Variants in CELSR2 observed in about 807,000 individuals in gnomAD.
The protein encoded by CELSR2 is EGF-like protein 2.
CELSR2 carries 81 observed loss-of-function variants against 251.6 expected under a neutral mutation model. The observed-to-expected ratio is 0.32, with a 90% confidence interval of 0.27 to 0.39. The LOEUF (loss-of-function observed/expected upper bound fraction) is 0.39, where lower values mean the gene tolerates loss of function less well. Ranked by LOEUF, CELSR2 falls within the 10% of genes least tolerant of loss-of-function variation. CELSR2 has a pLI of 1.00. For synonymous variants in CELSR2, 1,721 were observed against 1,670.5 expected (o/e 1.03, Z -0.74); for missense variants, 3,365 against 3,947.7 (o/e 0.85, Z 3.96).
In CELSR2 at chr1:109,250,239, A is replaced by G. The variant is rs767192744; in HGVS notation, c.160A>G (p.Met54Val). ...AGGCTCTTCGGGGGCCTGCGCCCCCATGGGCTGGCTCTGTCCATCCTCAGC... is the reference window on the plus strand; with the variant it reads ...AGGCTCTTCGGGGGCCTGCGCCCCCGTGGGCTGGCTCTGTCCATCCTCAGC... ...GRGSSGACAP[M>V]GWLCPSSASN... is the part of the protein sequence containing the mutation. Residue 54 changes from methionine to valine, a missense_variant, in exon 1 of 34, where the codon ATG (methionine) becomes GTG (valine). This residue lies in a region of CELSR2 where 704 missense variants were observed against 784.1 expected (regional missense o/e 0.90). Coordinates refer to ENST00000271332, the MANE Select transcript of CELSR2 (RefSeq NM_001408.3). This position sits in a 1 kb window ranked among gnomAD's most constrained non-coding sequence, Gnocchi z 4.4. 21 of 1,608,390 alleles carry G rather than the reference A, an allele frequency of 1.3e-5. No individual in the cohort carries two copies. The African/African-American group carries it at 2.5e-4, about 19-fold the overall frequency.
Position 109,251,778 on chromosome 1 carries a change from G to GA in CELSR2, c.1701dup (p.Leu568ThrfsTer7). On this transcript the variant is annotated frameshift_variant, in exon 1 of 34. Transcript: ENST00000271332. LOFTEE classifies it high-confidence loss of function. The surrounding 1 kb of genome is among the most constrained non-coding windows in gnomAD (Gnocchi z 4.9). Reference sequence around the variant, plus strand: ...CACAGGCTGGATCTCTGTGGCTGCTGAACTGGACCGGGAGGAAGTTGATTT... The same window carrying GA: ...CACAGGCTGGATCTCTGTGGCTGCTGAAACTGGACCGGGAGGAAGTTGATTT... 1 of 1,614,092 alleles carries GA rather than the reference G, an allele frequency of 6.2e-7. No individual in the cohort carries two copies. Among genetic ancestry groups the GA allele is most frequent in the African/African-American group, 1.3e-5 (1 of 75,028 alleles).
Position 109,251,834 on chromosome 1 carries a change from T to A in CELSR2, c.1755T>A (p.His585Gln). ...GCTTTGGGGTAGAAGCTCGAGACCA[T>A]GGCACTCCAGCACTCACTGCCTCGG... ...FYSFGVEARD[H>Q]GTPALTASAS... is the part of the protein sequence containing the mutation. The change falls in exon 1 of 34, where the codon CAT becomes CAA. Residue 585 changes from histidine (H) to glutamine (Q), a missense_variant. Physicochemically the swap from His to Gln is conservative, Grantham distance 24. This residue lies in a region of CELSR2 where 704 missense variants were observed against 784.1 expected (regional missense o/e 0.90). Coordinates refer to ENST00000271332, the MANE Select transcript of CELSR2 (RefSeq NM_001408.3). This position sits in a 1 kb window ranked among gnomAD's most constrained non-coding sequence, Gnocchi z 4.9. 6.2e-7 allele frequency: 1 copy of A among 1,614,058 alleles called. No homozygotes were observed. The highest frequency in any genetic ancestry group is 8.5e-7 in the Non-Finnish European group (1 of 1,180,020).
chr1:109,264,018 A>T, intron 9 of CELSR2, 60 bp from the exon 10 acceptor site: 1 of 1,515,224 alleles, frequency 6.6e-7, no homozygotes, highest in South Asian at 1.3e-5. Context: ...GGGAACTGTG[A>T]GCTGGAGAAC....
In CELSR2 at chr1:109,251,905, C is replaced by T; in HGVS notation, c.1826C>T (p.Thr609Ile). ...CTGGATGTCAACGACAACAATCCAA[C>T]CTTTACCCAACCAGAGTACACAGTG... is the stretch of plus-strand genomic sequence containing the variant. ...TVLDVNDNNP[T>I]FTQPEYTVRL... The change falls in exon 1 of 34, where the codon ACC (threonine) becomes ATC (isoleucine). Residue 609 changes from threonine (T) to isoleucine (I), a missense_variant. Physicochemically the swap from Thr to Ile is moderately conservative, Grantham distance 89. Around this residue, in one of 5 missense-constraint regions of CELSR2, gnomAD observed 60 missense variants for 104.8 expected, o/e 0.57. Transcript: ENST00000271332. This position sits in a 1 kb window ranked among gnomAD's most constrained non-coding sequence, Gnocchi z 4.9. The T allele has an allele frequency of 6.2e-7, 1 of 1,614,154 alleles. No individual in the cohort carries two copies. The highest frequency in any genetic ancestry group is 1.3e-5 in the African/African-American group (1 of 75,046).
Position 109,265,786 on chromosome 1 carries a change from T to C in CELSR2, c.5779T>C (p.Tyr1927His). 6.2e-7 allele frequency: 1 copy of C among 1,614,050 alleles called. No individual in the cohort carries two copies. The highest frequency in any genetic ancestry group is 8.5e-7 in the Non-Finnish European group (1 of 1,179,946). The change falls in exon 14 of 34, where the codon TAC becomes CAC. Residue 1927 changes from tyrosine (Y) to histidine (H), a missense_variant. Transcript: ENST00000271332. Reference sequence around the variant, plus strand: ...CCCCACCTGCCTCTTGTGTGACTGCTACCCCACAGGCTCCTTGTCCAGAGT... The same window carrying C: ...CCCCACCTGCCTCTTGTGTGACTGCCACCCCACAGGCTCCTTGTCCAGAGT... The part of the protein sequence containing the change: ...GSPTCLLCDC[Y>H]PTGSLSRVCD...
chr1:109,266,318 G>A (rs1570788542), intron 15 of CELSR2, 112 bp downstream of exon 15: 2 of 1,279,458 alleles, frequency 1.6e-6, no homozygotes, highest in Non-Finnish European at 2.1e-6. Context: ...CTGGCCTCCA[G>A]GTCCTGGGAT....
intron 15 of CELSR2, 112 bp downstream of exon 15, chr1:109,266,318 G>C: frequency 1.6e-6 from 2 of 1,279,458 alleles, no homozygotes; most frequent in Non-Finnish European, 2.1e-6. Flanking sequence ...CTGGCCTCCA[G>C]GTCCTGGGAT....
chr1:109,270,278 C>A, intron 23 of CELSR2, 145 bp downstream of exon 23: 2 of 1,234,588 alleles, frequency 1.6e-6, no homozygotes, highest in Non-Finnish European at 2.3e-6. Flanking sequence ...TTCTGTGGCT[C>A]CCCCGGGATC....
At chr1:109,260,245 A>T (rs1655981727) in intron 2 of CELSR2, among the ~76,000 whole-genome samples, 1 of 151,936 alleles carries the variant, frequency 6.6e-6, no homozygotes, top group South Asian at 2.1e-4. Flanking sequence ...GTCACTAGGC[A>T]CAGGAGCTGA....
In CELSR2 at chr1:109,249,576, C is replaced by T. The variant is rs1655612359; in HGVS notation, c.-504C>T. 6.7e-6 allele frequency among the ~76,000 whole-genome samples: 1 copy of T among 149,574 alleles called. No homozygotes were observed. Among genetic ancestry groups the T allele is most frequent in the South Asian group, 2.1e-4 (1 of 4,828 alleles). Reference sequence around the variant, plus strand: ...CGCCCGCCGGGGAGGCGAGGGAGCGCGGGGCTGGGCCCGGGGCCGCGGCGA... The same window carrying T: ...CGCCCGCCGGGGAGGCGAGGGAGCGTGGGGCTGGGCCCGGGGCCGCGGCGA... On this transcript the variant is annotated 5_prime_UTR_variant, in exon 1 of 34. Coordinates refer to ENST00000271332, the MANE Select transcript of CELSR2 (RefSeq NM_001408.3).
At chr1:109,257,515 C>T (rs1419120476) in intron 1 of CELSR2, among the ~76,000 whole-genome samples, 2 of 152,130 alleles carry the variant, frequency 1.3e-5, no homozygotes, top group East Asian at 3.8e-4. Context: ...TGGAATGAGA[C>T]ACCAGCAAGT....
rs1322630543 is a variant in CELSR2 at position 109,265,208 on chromosome 1, C to T, written c.5624C>T (p.Pro1875Leu). ...CTCTGCAGGATTGACCAGCCTTGTC[C>T]CCGTGGCTGGTGGGGACATCCCACA... ...YCETRIDQPC[P>L]RGWWGHPTCG... Residue 1875 changes from proline to leucine, a missense_variant, in exon 13 of 34, where the codon CCC (proline) becomes CTC (leucine). By Grantham distance (98) the Pro-to-Leu change is moderately conservative. Around this residue, in one of 5 missense-constraint regions of CELSR2, gnomAD observed 2,093 missense variants for 2,382.8 expected, o/e 0.88. Coordinates refer to ENST00000271332, the MANE Select transcript of CELSR2 (RefSeq NM_001408.3). 1 of 1,607,076 alleles carries T rather than the reference C, an allele frequency of 6.2e-7. No homozygotes were observed.
chr1:109,249,944 C>G lies in CELSR2; in HGVS notation c.-136C>G. 1 of 801,094 alleles carries G rather than the reference C, an allele frequency of 1.2e-6. No homozygotes were observed. Among genetic ancestry groups the G allele is most frequent in the South Asian group, 6.1e-5 (1 of 16,438 alleles). The allele number at this position is 801,094 out of a possible 1,614,324, so 49.6% of individuals were successfully genotyped here. ...GGGGTCCCGCCGAGCCATCCAGACG[C>G]AGGCCCCGCGGGGCGCACGGGAGGC... On this transcript the variant is annotated 5_prime_UTR_variant, in exon 1 of 34. Coordinates refer to ENST00000271332, the MANE Select transcript of CELSR2 (RefSeq NM_001408.3).
Position 109,261,001 on chromosome 1 carries a change from C to T in CELSR2, c.3959-41C>T. 6.6e-7 allele frequency: 1 copy of T among 1,505,914 alleles called. No individual in the cohort carries two copies. The highest frequency in any genetic ancestry group is 1.2e-5 in the South Asian group (1 of 82,696). The allele number at this position is 1,505,914 out of a possible 1,614,324, so 93.3% of individuals were successfully genotyped here. ...TGGGGGGTCTCAGTTCCCCTCCTGT[C>T]CTCAGGTACTTGGTACTCACCTGCC... On this transcript the variant is annotated intron_variant, in intron 2 of 33. Coordinates refer to ENST00000271332, the MANE Select transcript of CELSR2 (RefSeq NM_001408.3). The surrounding 1 kb of genome is among the most constrained non-coding windows in gnomAD (Gnocchi z 4.8).
intron 9 of CELSR2, 87 bp from the exon 10 acceptor site, chr1:109,263,991 T>C (rs1167727537): frequency 7.4e-6 from 11 of 1,488,606 alleles, no homozygotes; most frequent in Non-Finnish European, 9.9e-6. Flanking sequence ...GCGGGATGGG[T>C]TTGATGGTCC....
At chr1:109,262,044 G>A in intron 5 of CELSR2, 148 bp downstream of exon 5, 2 of 1,047,652 alleles carry the variant, frequency 1.9e-6, no homozygotes, top group Non-Finnish European at 1.4e-6. Context: ...GTGCCACCTT[G>A]CTGGGCATTC....
chr1:109,266,142 G>T lies in CELSR2; in HGVS notation c.5949G>T (p.Gly1983=), dbSNP rs1401044080. ...GCTGCCCACGAGCGATTGAGGCTGGGATCTGGTGGCCCCGTACCCGCTTCG... is the reference window on the plus strand; with the variant it reads ...GCTGCCCACGAGCGATTGAGGCTGGTATCTGGTGGCCCCGTACCCGCTTCG... The part of the protein sequence containing the change: ...YDSCPRAIEA[G]IWWPRTRFGL... Residue 1983 remains glycine, a synonymous_variant, in exon 15 of 34, where the codon GGG becomes GGT. Transcript: ENST00000271332. 4 of 1,614,002 alleles carry T rather than the reference G, an allele frequency of 2.5e-6. No homozygotes were observed. Among genetic ancestry groups the T allele is most frequent in the Non-Finnish European group, 3.4e-6 (4 of 1,180,040 alleles).
chr1:109,270,341 A>C, intron 23 of CELSR2, 85 bp from the exon 24 acceptor site: 1 of 1,484,648 alleles, frequency 6.7e-7, no homozygotes. Flanking sequence ...CCCAACACCC[A>C]GGCCCTCCTC....
intron 1 of CELSR2, among the ~76,000 whole-genome samples, chr1:109,256,658 T>C (rs1049501041): frequency 3.9e-5 from 6 of 151,962 alleles, no homozygotes; most frequent in Non-Finnish European, 7.4e-5. Flanking sequence ...GTTTGTTTGT[T>C]TGGGACAGAG....
Sources: allele counts gnomAD v4.1 joint callset (sites outside exome capture counted in the v4.1 genomes callset), GRCh38; gene constraint gnomAD v4.1.1; regional missense constraint gnomAD v4.1.1; non-coding constraint Gnocchi (gnomAD v3.1); transcripts MANE v1.5; gene names NCBI Gene and HGNC (gene_info 2026-07-23, HGNC 2026-07-21).